Variants in RIMBP2 observed in about 807,000 individuals in gnomAD.
RIMBP2 encodes the protein RIMS-binding protein 2.
RIMBP2 carries 48 observed loss-of-function variants against 118.6 expected under a neutral mutation model. That is an observed-to-expected ratio of 0.40 (90% confidence interval 0.32 to 0.51). The LOEUF (loss-of-function observed/expected upper bound fraction) is 0.51. Ranked by LOEUF, RIMBP2 falls within the 20% of genes least tolerant of loss-of-function variation. The probability of loss-of-function intolerance (pLI) is 0.41; values close to 1 mark genes in which losing one functional copy is unlikely to be tolerated. For missense variants in RIMBP2, 1,551 were observed against 1,768.3 expected (o/e 0.88, Z 2.20); for synonymous variants, 762 against 742.9 (o/e 1.03, Z -0.42).
chr12:130,580,591 T>C (rs2058403949), intron 2 of RIMBP2, among the ~76,000 whole-genome samples: 2 of 152,234 alleles, frequency 1.3e-5, no homozygotes, highest in Non-Finnish European at 2.9e-5. Flanking sequence ...TCGGCTTTAT[T>C]TGAAAATTTG....
intron 2 of RIMBP2, among the ~76,000 whole-genome samples, chr12:130,530,958 C>A (rs1482825235): frequency 2.6e-5 from 4 of 152,210 alleles, no homozygotes; most frequent in Non-Finnish European, 5.9e-5. Flanking sequence ...ATGTTGCCTG[C>A]TCATTCAAGA....
intron 1 of RIMBP2, among the ~76,000 whole-genome samples, chr12:130,715,345 TC>T (rs1284591203): frequency 6.6e-6 from 1 of 151,934 alleles, no homozygotes; most frequent in African/African-American, 2.4e-5. Context: ...GGTGAAGCAG[TC>T]CTCCCTCCCT....
At chr12:130,656,408 C>A (rs558562210) in intron 1 of RIMBP2, among the ~76,000 whole-genome samples, 1 of 152,312 alleles carries the variant, frequency 6.6e-6, no homozygotes, top group East Asian at 1.9e-4. Context: ...CCTTTCATGT[C>A]CCCTCTCCTG....
chr12:130,576,433 T>C lies in RIMBP2; in HGVS notation c.-217+51889A>G, dbSNP rs984173743. Among the ~76,000 whole-genome samples, 64 of 152,196 alleles carry C rather than the reference T, an allele frequency of 4.2e-4. No individual in the cohort carries two copies. Among genetic ancestry groups the C allele is most frequent in the African/African-American group, 1.4e-3 (59 of 41,556 alleles). ...CCTAAACACACTACCCGTGGGCAGC[T>C]GGCAGGTGGCCAGCTGCATGCCGGC... On this transcript the variant is annotated intron_variant, in intron 2 of 22. Transcript: ENST00000690449. This position sits in a 1 kb window ranked among gnomAD's most constrained non-coding sequence, Gnocchi z 4.2.
chr12:130,453,413 CCTCT>C (rs1177828911), intron 7 of RIMBP2, among the ~76,000 whole-genome samples: 1 of 152,256 alleles, frequency 6.6e-6, no homozygotes, highest in Non-Finnish European at 1.5e-5. Context: ...CTTCCACCAT[CCTCT>C]CTCTCAGGTC....
intron 1 of RIMBP2, among the ~76,000 whole-genome samples, chr12:130,631,856 C>T (rs1413675010): frequency 6.6e-6 from 1 of 152,178 alleles, no homozygotes; most frequent in Non-Finnish European, 1.5e-5. Context: ...CATGCATGCA[C>T]TTTCAAGTTA....
At chr12:130,427,032 C>T (rs1215100067) in intron 15 of RIMBP2, 1 of 152,396 alleles carries the variant, frequency 6.6e-6, no homozygotes, top group Non-Finnish European at 1.5e-5. Flanking sequence ...GCACGTGCTG[C>T]ACCATGCAGG....
rs577016600 is a variant in RIMBP2, at chr12:130,424,889, G to A, written c.2413-31C>T. On this transcript the variant is annotated intron_variant, in intron 15 of 22. Coordinates refer to ENST00000690449, the MANE Select transcript of RIMBP2 (RefSeq NM_001393629.1). The surrounding 1 kb of genome is among the most constrained non-coding windows in gnomAD (Gnocchi z 9.8). ...GGGGTGGTGTGTCAAGAACAGGCGC[G>A]GGAAAGAGTGTGTGGTCAGCATGAA... 134 of 1,193,736 alleles carry A rather than the reference G, an allele frequency of 1.1e-4. No homozygotes were observed. Among genetic ancestry groups the A allele is most frequent in the South Asian group, 3.8e-4 (9 of 23,462 alleles). The allele number at this position is 1,193,736 out of a possible 1,614,324, so 73.9% of individuals were successfully genotyped here.
chr12:130,611,553 C>T (rs960798246), intron 2 of RIMBP2, among the ~76,000 whole-genome samples: 18 of 152,200 alleles, frequency 1.2e-4, no homozygotes, highest in African/African-American at 1.4e-4. Flanking sequence ...ACCATGCTGG[C>T]GGCGACGCGT....
At chr12:130,602,234 G>T (rs986784788) in intron 2 of RIMBP2, among the ~76,000 whole-genome samples, 8 of 152,216 alleles carry the variant, frequency 5.3e-5, no homozygotes, top group Admixed American at 1.3e-4. Context: ...AATAATCAGA[G>T]AAATCCTAAG....
At chr12:130,443,110 AT>A (rs1180764819) in intron 10 of RIMBP2, among the ~76,000 whole-genome samples, 1 of 152,188 alleles carries the variant, frequency 6.6e-6, no homozygotes, top group Non-Finnish European at 1.5e-5. Flanking sequence ...TCTTACTATG[AT>A]TTTTGATTAA....
rs1025436341 is a variant in RIMBP2 at position 130,622,674 on chromosome 12, A to C, written c.-217+5648T>G. On this transcript the variant is annotated intron_variant, in intron 2 of 22. Coordinates refer to ENST00000690449, the MANE Select transcript of RIMBP2 (RefSeq NM_001393629.1). This position sits in a 1 kb window ranked among gnomAD's most constrained non-coding sequence, Gnocchi z 8.5. ...TAATTGTATTTTTTCCAATAACTACATGACCATAGCTAGCTAGGGTTTGTT... is the reference window on the plus strand; with the variant it reads ...TAATTGTATTTTTTCCAATAACTACCTGACCATAGCTAGCTAGGGTTTGTT... 7.2e-5 allele frequency among the ~76,000 whole-genome samples: 11 copies of C among 152,180 alleles called. No homozygotes were observed. In the East Asian group the frequency reaches 1.9e-3, roughly 27 times the overall value.
chr12:130,595,554 A>G (rs1157210154), intron 2 of RIMBP2, among the ~76,000 whole-genome samples: 1 of 151,530 alleles, frequency 6.6e-6, no homozygotes, highest in Non-Finnish European at 1.5e-5. Flanking sequence ...CGTCTCAAAA[A>G]TAATAATAAT....
chr12:130,622,732 C>G lies in RIMBP2; in HGVS notation c.-217+5590G>C, dbSNP rs2061392825. On this transcript the variant is annotated intron_variant, in intron 2 of 22. Coordinates refer to ENST00000690449, the MANE Select transcript of RIMBP2 (RefSeq NM_001393629.1). The surrounding 1 kb of genome is among the most constrained non-coding windows in gnomAD (Gnocchi z 8.5). ...TTTGTCTATTTTATTGCCTGTACAA[C>G]ACTCTTGGAAATATTGGGCTAGTTG... Among the ~76,000 whole-genome samples, 3 of 152,166 alleles carry G rather than the reference C, an allele frequency of 2.0e-5. No individual in the cohort carries two copies. Among genetic ancestry groups the G allele is most frequent in the Non-Finnish European group, 4.4e-5 (3 of 68,038 alleles).
chr12:130,646,911 T>C (rs1424967155), intron 1 of RIMBP2, among the ~76,000 whole-genome samples: 1 of 152,202 alleles, frequency 6.6e-6, no homozygotes, highest in African/African-American at 2.4e-5. Context: ...AGGAGCCACA[T>C]TGGTGTTTGC....
chr12:130,416,205 A>G (rs1439917837), intron 17 of RIMBP2, among the ~76,000 whole-genome samples: 1 of 152,252 alleles, frequency 6.6e-6, no homozygotes. Flanking sequence ...GTCATTTTAT[A>G]TAGAATTAGG....
At chr12:130,603,762 T>C (rs555252165) in intron 2 of RIMBP2, among the ~76,000 whole-genome samples, 1 of 152,270 alleles carries the variant, frequency 6.6e-6, no homozygotes, top group African/African-American at 2.4e-5. Flanking sequence ...GCATGACTCA[T>C]GTGTGTGGTG....
chr12:130,449,693 G>A (rs1300638772), intron 9 of RIMBP2, among the ~76,000 whole-genome samples: 1 of 152,136 alleles, frequency 6.6e-6, no homozygotes, highest in Non-Finnish European at 1.5e-5. Context: ...ATGTGATGGA[G>A]TTAGTCATAC....
At chr12:130,448,992 C>T (rs1159230927) in intron 9 of RIMBP2, among the ~76,000 whole-genome samples, 2 of 152,252 alleles carry the variant, frequency 1.3e-5, no homozygotes, top group African/African-American at 2.4e-5. Flanking sequence ...ACCTCCTTTG[C>T]ATGAACAGAG....
Sources: allele counts gnomAD v4.1 joint callset (sites outside exome capture counted in the v4.1 genomes callset), GRCh38; gene constraint gnomAD v4.1.1; non-coding constraint Gnocchi (gnomAD v3.1); transcripts MANE v1.5; gene names NCBI Gene and HGNC (gene_info 2026-07-23, HGNC 2026-07-21).